Variants in CTTN observed in about 807,000 individuals in gnomAD.
CTTN encodes src substrate cortactin.
Under a neutral mutation model 84.0 loss-of-function variants are expected in CTTN, and 28 were observed. The ratio of observed to expected loss-of-function variants is 0.33; its 90% CI spans 0.25 to 0.46. The LOEUF (loss-of-function observed/expected upper bound fraction) is 0.46. CTTN is among the 20% of genes least tolerant of loss of function. CTTN has a pLI of 1.00. For missense variants in CTTN, 641 were observed against 723.8 expected (o/e 0.89, Z 1.31); for synonymous variants, 301 against 288.8 (o/e 1.04, Z -0.43).
chr11:70,411,461 G>A (rs750426892), intron 5 of CTTN, among the ~76,000 whole-genome samples: 63 of 152,328 alleles, frequency 4.1e-4, no homozygotes, highest in Admixed American at 1.2e-3. Context: ...GAATCCATGT[G>A]TTCAGTGCAG....
At position 70,433,225 on chromosome 11, in the gene CTTN, A is replaced by G. The variant is rs990776352; in HGVS notation, c.1391A>G (p.Tyr464Cys). 6.2e-6 allele frequency: 10 copies of G among 1,613,108 alleles called. No individual in the cohort carries two copies. The East Asian group carries it at 6.7e-5, about 11-fold the overall frequency. ...GCCAGCAGCCAGCAGGGCCTGGCCTATGCCACAGAGGCTGTCTATGAAAGC... is the reference window on the plus strand; with the variant it reads ...GCCAGCAGCCAGCAGGGCCTGGCCTGTGCCACAGAGGCTGTCTATGAAAGC... ...REASSQQGLAYATEAVYESAE... is the reference protein window; with the variant it reads ...REASSQQGLACATEAVYESAE... The change falls in exon 16 of 18, where the codon TAT becomes TGT. Residue 464 changes from tyrosine (Y) to cysteine (C), a missense_variant. This residue lies in a region of CTTN where 289 missense variants were observed against 273.1 expected (regional missense o/e 1.06). Coordinates refer to ENST00000301843, the MANE Select transcript of CTTN (RefSeq NM_005231.4).
chr11:70,423,049 GGGCGTGGCTCACC>G, intron 12 of CTTN, 54 bp downstream of exon 12: 1 of 1,608,440 alleles, frequency 6.2e-7, no homozygotes. Flanking sequence ...GGCTCTTGGT[GGGCGTGGCTCACC>G]GTGCTGGCCA....
chr11:70,406,707 A>T (rs2058044307), intron 2 of CTTN, among the ~76,000 whole-genome samples: 1 of 152,184 alleles, frequency 6.6e-6, no homozygotes, highest in Non-Finnish European at 1.5e-5. Context: ...GGCATTTTAT[A>T]TTCCTGTTTT....
intron 13 of CTTN, among the ~76,000 whole-genome samples, chr11:70,428,153 CTTTTTTTTTTTTTTTTT>C (rs60189081): frequency 1.1e-4 from 7 of 62,542 alleles, no homozygotes; most frequent in Non-Finnish European, 3.2e-5. Context: ...TGTCTTCCCA[CTTTTTTTTTTTTTTTTT>C]TTTTTTTTTT....
At chr11:70,419,589 T>C (rs560647743) in intron 8 of CTTN, among the ~76,000 whole-genome samples, 157 bp from the exon 9 acceptor site, 3 of 152,320 alleles carry the variant, frequency 2.0e-5, no homozygotes, top group Admixed American at 2.0e-4. Context: ...GTTTCTGTTA[T>C]TACACATAAA....
intron 11 of CTTN, chr11:70,422,650 T>C (rs2058251184): frequency 1.4e-6 from 2 of 1,390,964 alleles, no homozygotes; most frequent in South Asian, 2.4e-5. Context: ...GTGCCCTCTT[T>C]CCTCGCTTAG....
In CTTN at chr11:70,401,741, G is replaced by T. The variant is rs759576381; in HGVS notation, c.-98+3127G>T. Among the ~76,000 whole-genome samples the T allele has an allele frequency of 4.8e-4, 73 of 152,122 alleles. 1 individual carries two copies. The highest frequency in any genetic ancestry group is 9.1e-4 in the Non-Finnish European group (62 of 68,010). On this transcript the variant is annotated intron_variant, in intron 1 of 17. Transcript: ENST00000301843. ...CCTAGCTACTCGGGAGGCTGAGGTGGGAGGATCACCTGAACCTGGGACACA... is the reference window on the plus strand; with the variant it reads ...CCTAGCTACTCGGGAGGCTGAGGTGTGAGGATCACCTGAACCTGGGACACA...
intron 15 of CTTN, among the ~76,000 whole-genome samples, chr11:70,432,032 TC>T: frequency 6.6e-6 from 1 of 152,116 alleles, no homozygotes; most frequent in East Asian, 1.9e-4. Context: ...GGGGTCACAC[TC>T]CAGACCATGG....
At chr11:70,431,317 T>G (rs1458048379) in intron 15 of CTTN, 37 bp downstream of exon 15, 1 of 1,596,774 alleles carries the variant, frequency 6.3e-7, no homozygotes, top group Non-Finnish European at 8.6e-7. Flanking sequence ...CGTGAGTGAC[T>G]TACTGCCAGA....
intron 12 of CTTN, among the ~76,000 whole-genome samples, chr11:70,424,859 C>A (rs977703667): frequency 6.6e-6 from 1 of 152,254 alleles, no homozygotes; most frequent in African/African-American, 2.4e-5. Flanking sequence ...CCCTGACAGT[C>A]TCCACCTGAG....
intron 1 of CTTN, among the ~76,000 whole-genome samples, chr11:70,401,672 AG>A (rs1414640118): frequency 6.6e-6 from 1 of 151,306 alleles, no homozygotes; most frequent in African/African-American, 2.4e-5. Flanking sequence ...AAAAAAAAAA[AG>A]AGAGAGAAAA....
rs550318094 is a variant in CTTN at position 70,418,375 on chromosome 11, C to T, written c.568+1252C>T. Among the ~76,000 whole-genome samples, 6 of 152,364 alleles carry T rather than the reference C, an allele frequency of 3.9e-5. No individual in the cohort carries two copies. In the South Asian group the frequency reaches 1.0e-3, roughly 26 times the overall value. ...CCCGACACCACACAGTTGTGAGCAGCGCATGCTCCGCGAAGCTGCATGAGT... is the reference window on the plus strand; with the variant it reads ...CCCGACACCACACAGTTGTGAGCAGTGCATGCTCCGCGAAGCTGCATGAGT... On this transcript the variant is annotated intron_variant, in intron 8 of 17. Transcript: ENST00000301843.
chr11:70,413,441 C>A (rs556331081), intron 5 of CTTN, among the ~76,000 whole-genome samples: 2 of 152,308 alleles, frequency 1.3e-5, no homozygotes, highest in Non-Finnish European at 2.9e-5. Flanking sequence ...GGTAGGAGAT[C>A]TTTTCCACTT....
chr11:70,430,337 A>T (rs2058340927), intron 14 of CTTN, among the ~76,000 whole-genome samples: 1 of 152,234 alleles, frequency 6.6e-6, no homozygotes, highest in South Asian at 2.1e-4. Flanking sequence ...TTGCTGCCGT[A>T]GTCACCACCA....
Position 70,435,321 on chromosome 11 carries a change from A to G in CTTN, c.*159A>G. The G allele has an allele frequency of 7.3e-7, 1 of 1,371,260 alleles. No individual in the cohort carries two copies. The highest frequency in any genetic ancestry group is 9.3e-7 in the Non-Finnish European group (1 of 1,072,064). The allele number at this position is 1,371,260 out of a possible 1,614,324, so 84.9% of individuals were successfully genotyped here. ...TATACACATTGCTTTTATATTTAAT[A>G]CTTTTGCTGATGCTTTTGAAAATGT... On this transcript the variant is annotated 3_prime_UTR_variant, in exon 18 of 18. Transcript: ENST00000301843.
At chr11:70,398,722 C>T (rs545301862) in intron 1 of CTTN, 108 bp downstream of exon 1, 8 of 152,148 alleles carry the variant, frequency 5.3e-5, no homozygotes, top group East Asian at 2.0e-4. Flanking sequence ...GCAGCGGTCT[C>T]ACCGCTCTTC....
At chr11:70,404,158 G>C (rs1046912715) in intron 1 of CTTN, among the ~76,000 whole-genome samples, 1 of 152,238 alleles carries the variant, frequency 6.6e-6, no homozygotes, top group Non-Finnish European at 1.5e-5. Flanking sequence ...ACTGGGGAGA[G>C]AGATGGAGCA....
chr11:70,402,778 C>T (rs1483686231), intron 1 of CTTN, among the ~76,000 whole-genome samples: 3 of 152,210 alleles, frequency 2.0e-5, no homozygotes, highest in African/African-American at 7.2e-5. Context: ...ATGAATAGTG[C>T]TGTTCTGAAC....
rs1803536 is a variant in CTTN, at chr11:70,436,428, G to A, written c.*1266G>A. On this transcript the variant is annotated 3_prime_UTR_variant, in exon 18 of 18. Coordinates refer to ENST00000301843, the MANE Select transcript of CTTN (RefSeq NM_005231.4). ...CCGTGAAGCGTGTTTTTGCTCCTGA[G>A]GTGCATTTTCTCATCATCCTTGCTT... 4 of 1,595,894 alleles carry A rather than the reference G, an allele frequency of 2.5e-6. No individual in the cohort carries two copies. The highest frequency in any genetic ancestry group is 2.5e-6 in the Non-Finnish European group (3 of 1,178,452).
Sources: allele counts gnomAD v4.1 joint callset (sites outside exome capture counted in the v4.1 genomes callset), GRCh38; gene constraint gnomAD v4.1.1; regional missense constraint gnomAD v4.1.1; transcripts MANE v1.5; gene names NCBI Gene and HGNC (gene_info 2026-07-23, HGNC 2026-07-21).